Variants in DNAAF9 observed in about 807,000 individuals in gnomAD.
The protein encoded by DNAAF9 is shulin.
DNAAF9 carries 90 observed loss-of-function variants against 167.0 expected under a neutral mutation model. The observed-to-expected ratio is 0.54, with a 90% CI of 0.45 to 0.64. The LOEUF (loss-of-function observed/expected upper bound fraction) is 0.64, where lower values mean the gene tolerates loss of function less well. Among genes scored for constraint, DNAAF9 ranks in the 30% least tolerant of loss-of-function variants. The pLI, the probability that DNAAF9 is intolerant of heterozygous loss-of-function variation, is 0.00. For missense variants in DNAAF9, 1,315 were observed against 1,442.2 expected, an observed-to-expected ratio of 0.91 and a Z score of 1.43; for synonymous variants, 491 against 508.8, an observed-to-expected ratio of 0.96 and a Z score of 0.47.
intron 3 of DNAAF9, among the ~76,000 whole-genome samples, chr20:3,376,986 T>C (rs1408270453): frequency 6.6e-6 from 1 of 152,102 alleles, no homozygotes; most frequent in Non-Finnish European, 1.5e-5. Flanking sequence ...GGAGAGTCAT[T>C]TGAACCTGGG....
intron 30 of DNAAF9, among the ~76,000 whole-genome samples, chr20:3,265,461 G>C (rs563296474): frequency 6.6e-6 from 1 of 150,718 alleles, no homozygotes; most frequent in Admixed American, 6.6e-5. Flanking sequence ...CAGCTACTTA[G>C]GAGGCCGAGG....
At chr20:3,303,431 A>G (rs548391611) in intron 21 of DNAAF9, among the ~76,000 whole-genome samples, 5 of 152,290 alleles carry the variant, frequency 3.3e-5, no homozygotes, top group Non-Finnish European at 4.4e-5. Context: ...GATTTTTAGT[A>G]GAGGTAAGAG....
intron 30 of DNAAF9, 78 bp from the exon 31 acceptor site, chr20:3,264,602 G>A (rs1369408449): frequency 1.3e-5 from 10 of 784,244 alleles, no homozygotes; most frequent in South Asian, 2.9e-5. Context: ...ACGGAGTCTC[G>A]CTCTGTCGCC....
intron 7 of DNAAF9, among the ~76,000 whole-genome samples, chr20:3,357,609 C>T (rs528563420): frequency 2.7e-5 from 4 of 148,944 alleles, no homozygotes; most frequent in South Asian, 2.2e-4. Flanking sequence ...TTTCCTAATC[C>T]CTCCTTCCTC....
At chr20:3,321,145 A>G (rs1343986163) in intron 16 of DNAAF9, among the ~76,000 whole-genome samples, 1 of 151,970 alleles carries the variant, frequency 6.6e-6, no homozygotes, top group Non-Finnish European at 1.5e-5. Flanking sequence ...TGCTCTGACT[A>G]CTCTACTTCA....
chr20:3,379,710 A>C (rs2083621981), intron 3 of DNAAF9, among the ~76,000 whole-genome samples: 1 of 152,338 alleles, frequency 6.6e-6, no homozygotes, highest in East Asian at 1.9e-4. Flanking sequence ...TGTATAAACA[A>C]ATTTATTAAT....
In DNAAF9 at chr20:3,330,642, T is replaced by A. The variant is rs1352792192; in HGVS notation, c.1100+4A>T. ...GAAAGAAAAAATAAAATATGAAGAC[T>A]TACATTTGTTCAGTTTTCTTGGGCA... is the stretch of plus-strand genomic sequence containing the variant. On this transcript the variant is annotated splice_donor_region_variant and intron_variant, in intron 12 of 36. Transcript: ENST00000252032. 7 of 1,578,666 alleles carry A rather than the reference T, an allele frequency of 4.4e-6. No individual in the cohort carries two copies. The highest frequency in any genetic ancestry group is 1.4e-5 in the African/African-American group (1 of 73,990).
chr20:3,300,643 C>CACTCCAGCCTGGGTGACAGAGCGAG (rs2122967739), intron 21 of DNAAF9, among the ~76,000 whole-genome samples: 1 of 148,938 alleles, frequency 6.7e-6, no homozygotes, highest in East Asian at 2.0e-4. Flanking sequence ...AGGCTGGGTG[C>CACTCCAGCCTGGGTGACAGAGCGAG]ACTCCAGCCT....
chr20:3,324,848 CGAA>C (rs2069682182), intron 14 of DNAAF9, 41 bp downstream of exon 14: 1 of 978,662 alleles, frequency 1.0e-6, no homozygotes, highest in African/African-American at 1.6e-5. Context: ...TATTCCAAAA[CGAA>C]GAAAAAAAAT....
chr20:3,371,212 C>T (rs2083502595), intron 6 of DNAAF9, among the ~76,000 whole-genome samples: 3 of 144,684 alleles, frequency 2.1e-5, no homozygotes, highest in Admixed American at 1.4e-4. Context: ...TCTTCCATCT[C>T]CCTTTTTAAT....
chr20:3,299,650 T>C (rs777884714), intron 21 of DNAAF9, among the ~76,000 whole-genome samples: 4 of 152,210 alleles, frequency 2.6e-5, no homozygotes, highest in African/African-American at 4.8e-5. Context: ...CCTTTTGACA[T>C]TGAATGGTTC....
chr20:3,323,828 C>T lies in DNAAF9; in HGVS notation c.1265+1064G>A, dbSNP rs548263091. On this transcript the variant is annotated intron_variant, in intron 14 of 36. Coordinates refer to ENST00000252032, the MANE Select transcript of DNAAF9 (RefSeq NM_001009984.3). ...CAGCCATATTGATGGTAAGAGAATA[C>T]CCCACTGTGACAGCAGCTAACATCT... 2.0e-5 allele frequency among the ~76,000 whole-genome samples: 3 copies of T among 152,312 alleles called. No individual in the cohort carries two copies. In the South Asian group the frequency reaches 6.2e-4, roughly 32 times the overall value.
At chr20:3,284,844 C>T (rs909369145) in intron 27 of DNAAF9, among the ~76,000 whole-genome samples, 2 of 151,924 alleles carry the variant, frequency 1.3e-5, no homozygotes, top group Non-Finnish European at 2.9e-5. Context: ...CAGATTTTTC[C>T]AGTTTTACTT....
chr20:3,406,597 A>C (rs2084058462), intron 1 of DNAAF9, among the ~76,000 whole-genome samples: 1 of 152,142 alleles, frequency 6.6e-6, no homozygotes, highest in Non-Finnish European at 1.5e-5. Context: ...CACCAAACGC[A>C]TAGGGCACAG....
Position 3,381,502 on chromosome 20 carries a change from C to A in DNAAF9, c.164-4G>T, listed in dbSNP as rs2083653119. The A allele has an allele frequency of 1.9e-6, 3 of 1,613,082 alleles. No homozygotes were observed. Among genetic ancestry groups the A allele is most frequent in the South Asian group, 2.2e-5 (2 of 90,950 alleles). Reference sequence around the variant, plus strand: ...TCATTGTACCTGCTATCGATTCCTGCAAGGCAAAGGAGGCTCTGATCAGCT... The same window carrying A: ...TCATTGTACCTGCTATCGATTCCTGAAAGGCAAAGGAGGCTCTGATCAGCT... On this transcript the variant is annotated splice_region_variant and splice_polypyrimidine_tract_variant and intron_variant, in intron 2 of 36. Coordinates refer to ENST00000252032, the MANE Select transcript of DNAAF9 (RefSeq NM_001009984.3).
In DNAAF9 at chr20:3,270,132, C is replaced by T. The variant is rs978034457; in HGVS notation, c.2786+295G>A. ...TACAGGCACGAGCCATTGTGCCCAGCCTGCTTTTTTTTTTTTTTTTTTTAA... is the reference window on the plus strand; with the variant it reads ...TACAGGCACGAGCCATTGTGCCCAGTCTGCTTTTTTTTTTTTTTTTTTTAA... On this transcript the variant is annotated intron_variant, in intron 30 of 36. Coordinates refer to ENST00000252032, the MANE Select transcript of DNAAF9 (RefSeq NM_001009984.3). Among the ~76,000 whole-genome samples the T allele has an allele frequency of 6.4e-4, 82 of 128,988 alleles. 1 individual carries two copies. Among genetic ancestry groups the T allele is most frequent in the Middle Eastern group, 3.7e-3 (1 of 272 alleles). The allele number at this position is 128,988 out of a possible 152,430, so 84.6% of individuals were successfully genotyped here.
At chr20:3,262,514 G>A (rs980844783) in intron 31 of DNAAF9, among the ~76,000 whole-genome samples, 1 of 152,164 alleles carries the variant, frequency 6.6e-6, no homozygotes, top group Non-Finnish European at 1.5e-5. Flanking sequence ...CTCCCAAAGT[G>A]CTGGGATTAC....
chr20:3,253,882 A>C (rs2068234011), intron 35 of DNAAF9, 63 bp from the exon 36 acceptor site: 1 of 928,998 alleles, frequency 1.1e-6, no homozygotes, highest in Non-Finnish European at 1.8e-6. Flanking sequence ...CTCACTCATT[A>C]AAACAAACAA....
At position 3,343,777 on chromosome 20, in the gene DNAAF9, A is replaced by G. The variant is rs764855384; in HGVS notation, c.790-46T>C. On this transcript the variant is annotated intron_variant, in intron 8 of 36. Coordinates refer to ENST00000252032, the MANE Select transcript of DNAAF9 (RefSeq NM_001009984.3). Reference sequence around the variant, plus strand: ...TATATATTAAGAACACAATTTGGTAAAACAGTCATAAAACCCCTCACATAT... The same window carrying G: ...TATATATTAAGAACACAATTTGGTAGAACAGTCATAAAACCCCTCACATAT... 24 of 1,448,982 alleles carry G rather than the reference A, an allele frequency of 1.7e-5. No individual in the cohort carries two copies. The East Asian group carries it at 5.0e-4, about 30-fold the overall frequency. The allele number at this position is 1,448,982 out of a possible 1,614,324, so 89.8% of individuals were successfully genotyped here.
Sources: gnomAD v4.1 joint callset for allele counts (sites outside exome capture counted in the v4.1 genomes callset) on GRCh38, gnomAD v4.1.1 for gene constraint, MANE v1.5 for transcripts, NCBI Gene and HGNC (gene_info 2026-07-23, HGNC 2026-07-21) for gene names.